The following IQCK variants were observed in gnomAD, a reference collection of about 807,000 sequenced individuals.
IQCK encodes the protein IQ motif containing K, also known as IQ domain-containing protein K.
IQCK carries 29 observed loss-of-function variants against 28.1 expected under a neutral mutation model. The ratio of observed to expected loss-of-function variants is 1.03; its 90% CI spans 0.77 to 1.41. The LOEUF is 1.41. IQCK is among the 40% of genes most tolerant of loss of function. The pLI is 0.00. For missense variants in IQCK, 359 were observed against 314.7 expected, an observed-to-expected ratio of 1.14 and a Z score of -1.07; for synonymous variants, 113 against 115.1, an observed-to-expected ratio of 0.98 and a Z score of 0.12.
At chr16:19,819,786 G>A (rs573080075) in intron 7 of IQCK, among the ~76,000 whole-genome samples, 7 of 152,150 alleles carry the variant, frequency 4.6e-5, no homozygotes, top group African/African-American at 1.2e-4. Flanking sequence ...GGCCACGGGG[G>A]GCAGATCACG....
At chr16:19,751,645 G>A (rs1201195491) in intron 4 of IQCK, among the ~76,000 whole-genome samples, 1 of 152,006 alleles carries the variant, frequency 6.6e-6, no homozygotes, top group Non-Finnish European at 1.5e-5. Flanking sequence ...CAGGACAGGT[G>A]TGTCATCAAG....
intron 9 of IQCK, among the ~76,000 whole-genome samples, chr16:19,851,420 C>T (rs963672013): frequency 1.3e-5 from 2 of 152,074 alleles, no homozygotes; most frequent in African/African-American, 4.8e-5. Context: ...TATGAGTGGC[C>T]GGATGACCCT....
At chr16:19,728,253 T>C (rs1977721744) in intron 1 of IQCK, among the ~76,000 whole-genome samples, 1 of 152,026 alleles carries the variant, frequency 6.6e-6, no homozygotes, top group African/African-American at 2.4e-5. Flanking sequence ...ACTAAAATTC[T>C]TTTTTATTTT....
chr16:19,785,015 C>T (rs1416296207), intron 6 of IQCK, among the ~76,000 whole-genome samples: 3 of 152,172 alleles, frequency 2.0e-5, no homozygotes, highest in African/African-American at 7.2e-5. Flanking sequence ...GTGATCCACC[C>T]GCCCCGGCCT....
chr16:19,735,540 T>G, intron 4 of IQCK, 90 bp downstream of exon 4: 15 of 1,098,420 alleles, frequency 1.4e-5, no homozygotes, highest in Non-Finnish European at 2.1e-5. Context: ...ACCATCAGGT[T>G]GTTCTCCAGA....
Position 19,825,698 on chromosome 16 carries a change from C to T in IQCK, c.691-1328C>T, listed in dbSNP as rs898118545. On this transcript the variant is annotated intron_variant, in intron 7 of 7. Transcript: ENST00000564186. This position sits in a 1 kb window ranked among gnomAD's most constrained non-coding sequence, Gnocchi z 4.2. ...ATGAAATAAAATTTGTAAGATACTTCAAACCATGCCTGGGAGATAAATGCT... is the reference window on the plus strand; with the variant it reads ...ATGAAATAAAATTTGTAAGATACTTTAAACCATGCCTGGGAGATAAATGCT... 6.6e-6 allele frequency among the ~76,000 whole-genome samples: 1 copy of T among 152,116 alleles called. No individual in the cohort carries two copies. Among genetic ancestry groups the T allele is most frequent in the African/African-American group, 2.4e-5 (1 of 41,430 alleles).
At chr16:19,822,084 CAAAAA>C (rs1234011581) in intron 7 of IQCK, among the ~76,000 whole-genome samples, 1 of 97,608 alleles carries the variant, frequency 1.0e-5, no homozygotes, top group African/African-American at 4.1e-5. Context: ...AAAAAAAAAA[CAAAAA>C]AAAAAACAAA....
chr16:19,768,597 T>C (rs2055275154), intron 6 of IQCK, among the ~76,000 whole-genome samples: 1 of 152,072 alleles, frequency 6.6e-6, no homozygotes, highest in East Asian at 1.9e-4. Flanking sequence ...AATACAAAAA[T>C]TAGCTGGGCA....
chr16:19,718,381 C>T (rs1041339235), exon 1 of IQCK: 4 of 1,607,702 alleles, frequency 2.5e-6, no homozygotes, highest in Non-Finnish European at 2.5e-6. Context: ...CGTCGTTCAC[C>T]CGGACGCCGG....
At chr16:19,736,224 A>G in intron 4 of IQCK, 1 of 449,882 alleles carries the variant, frequency 2.2e-6, no homozygotes, top group Non-Finnish European at 4.4e-6. Flanking sequence ...TTAACATCAC[A>G]CTGCAGAGAA....
At chr16:19,760,831 C>T (rs558149596) in intron 4 of IQCK, among the ~76,000 whole-genome samples, 7 of 152,244 alleles carry the variant, frequency 4.6e-5, no homozygotes, top group South Asian at 2.1e-4. Flanking sequence ...AGAGCAGCCC[C>T]GAGGGCTGCT....
chr16:19,755,262 T>C (rs548355915), intron 4 of IQCK, among the ~76,000 whole-genome samples: 14 of 152,332 alleles, frequency 9.2e-5, no homozygotes, highest in African/African-American at 3.1e-4. Flanking sequence ...TTTATCCATG[T>C]CTCCATCACC....
At chr16:19,811,176 C>T (rs965983973) in intron 7 of IQCK, among the ~76,000 whole-genome samples, 1 of 151,934 alleles carries the variant, frequency 6.6e-6, no homozygotes, top group African/African-American at 2.4e-5. Flanking sequence ...CCCAGCTACT[C>T]GGGAGAATGG....
rs2055443981 is a variant in IQCK, at chr16:19,779,407, C to G, written c.606-9431C>G. ...CCTGAGCAACTGGCTGAATGGGATCCCTTTACTGAAACAGAGTAGGGGAAA... is the reference window on the plus strand; with the variant it reads ...CCTGAGCAACTGGCTGAATGGGATCGCTTTACTGAAACAGAGTAGGGGAAA... On this transcript the variant is annotated intron_variant, in intron 6 of 7. Transcript: ENST00000564186. 2.6e-5 allele frequency among the ~76,000 whole-genome samples: 4 copies of G among 152,228 alleles called. 1 individual carries two copies. The South Asian group carries it at 8.3e-4, about 32-fold the overall frequency.
rs879757935 is a variant in IQCK, at chr16:19,825,520, C to CAA, written c.691-1494_691-1493dup. The stretch of plus-strand genomic sequence containing the variant: ...GGGCAGCAAGAACGAAACTCCATCT[C>CAA]AAAAAAAAAAAAATGTAAAATATTT... On this transcript the variant is annotated intron_variant, in intron 7 of 7. Transcript: ENST00000564186. The surrounding 1 kb of genome is among the most constrained non-coding windows in gnomAD (Gnocchi z 4.2). 2.9e-5 allele frequency among the ~76,000 whole-genome samples: 4 copies of CAA among 136,776 alleles called. No individual in the cohort carries two copies. The highest frequency in any genetic ancestry group is 1.1e-4 in the African/African-American group (4 of 37,404). 89.7% of individuals were successfully genotyped at this position (136,776 alleles called of 152,430 possible).
intron 6 of IQCK, among the ~76,000 whole-genome samples, chr16:19,771,843 G>A (rs541549137): frequency 1.1e-3 from 167 of 152,318 alleles, no homozygotes; most frequent in Middle Eastern, 6.8e-3. Context: ...ATGTAGGTGT[G>A]AAGGCATCTG....
intron 9 of IQCK, among the ~76,000 whole-genome samples, chr16:19,850,877 C>T (rs2056473241): frequency 6.6e-6 from 1 of 151,974 alleles, no homozygotes; most frequent in Non-Finnish European, 1.5e-5. Flanking sequence ...ATTAGCCAGG[C>T]ATGGTGGTGC....
chr16:19,738,690 A>T (rs1452026113), intron 4 of IQCK, among the ~76,000 whole-genome samples: 1 of 152,210 alleles, frequency 6.6e-6, no homozygotes, highest in Non-Finnish European at 1.5e-5. Flanking sequence ...CCTGGAACCT[A>T]GGAAGAACTC....
At chr16:19,719,780 T>A (rs1977427582) in intron 1 of IQCK, among the ~76,000 whole-genome samples, 1 of 150,698 alleles carries the variant, frequency 6.6e-6, no homozygotes, top group Non-Finnish European at 1.5e-5. Flanking sequence ...GTTCAAGCAT[T>A]CTCACACCTC....
Sources: allele counts gnomAD v4.1 joint callset (sites outside exome capture counted in the v4.1 genomes callset), GRCh38; gene constraint gnomAD v4.1.1; non-coding constraint Gnocchi (gnomAD v3.1); transcripts MANE v1.5; gene names NCBI Gene and HGNC (gene_info 2026-07-23, HGNC 2026-07-21).